The following ZBTB7C variants were observed in gnomAD, a reference collection of about 807,000 sequenced individuals.
The protein encoded by ZBTB7C is zinc finger and BTB domain-containing protein 7C.
In ZBTB7C, 8 loss-of-function variants were observed where a neutral mutation model predicts 25.7. The observed-to-expected ratio is 0.31, with a 90% CI of 0.18 to 0.56. The LOEUF (loss-of-function observed/expected upper bound fraction) is 0.56. ZBTB7C is among the 20% of genes least tolerant of loss of function. The pLI is 0.91. For synonymous variants in ZBTB7C, 394 were observed against 369.0 expected, an observed-to-expected ratio of 1.07 and a Z score of -0.78; for missense variants, 824 against 855.2, an observed-to-expected ratio of 0.96 and a Z score of 0.46.
At chr18:48,363,548 C>G (rs1210834195) in intron 1 of ZBTB7C, among the ~76,000 whole-genome samples, 1 of 152,084 alleles carries the variant, frequency 6.6e-6, no homozygotes, top group Non-Finnish European at 1.5e-5. Context: ...GAGCTCAAAA[C>G]AGATTAAAAT....
intron 1 of ZBTB7C, among the ~76,000 whole-genome samples, chr18:48,358,896 G>A (rs770481461): frequency 2.0e-5 from 3 of 152,098 alleles, no homozygotes; most frequent in Admixed American, 1.3e-4. Flanking sequence ...AACTAGTCCC[G>A]GTTTCCTCCT....
intron 2 of ZBTB7C, among the ~76,000 whole-genome samples, chr18:48,205,881 C>G (rs1012211324): frequency 1.3e-5 from 2 of 152,242 alleles, no homozygotes; most frequent in East Asian, 1.9e-4. Flanking sequence ...CACACTACCC[C>G]CAAGCTGGGC....
Position 48,040,152 on chromosome 18 carries a change from C to G in ZBTB7C, c.956G>C (p.Gly319Ala), listed in dbSNP as rs754356441. 1.3e-6 allele frequency: 2 copies of G among 1,579,008 alleles called. No individual in the cohort carries two copies. Among genetic ancestry groups the G allele is most frequent in the Admixed American group, 3.6e-5 (2 of 56,268 alleles). ...FFKDMFPDLP[G>A]GPLGPIKAEN... is the part of the protein sequence containing the mutation. Reference sequence around the variant, plus strand: ...CGCCTTGATGGGTCCCAGAGGCCCCCCCGGCAGGTCAGGGAACATGTCCTT... The same window carrying G: ...CGCCTTGATGGGTCCCAGAGGCCCCGCCGGCAGGTCAGGGAACATGTCCTT... Residue 319 changes from glycine (G) to alanine (A), a missense_variant, in exon 4 of 5, where the codon GGG (glycine) becomes GCG (alanine). Gly to Ala is a moderately conservative substitution (Grantham distance 60). This residue lies in a region of ZBTB7C where 316 missense variants were observed against 299.2 expected (regional missense o/e 1.06). Coordinates refer to ENST00000590800, the MANE Select transcript of ZBTB7C (RefSeq NM_001318841.2).
intron 3 of ZBTB7C, among the ~76,000 whole-genome samples, chr18:48,110,061 C>T (rs1315871637): frequency 6.7e-6 from 1 of 150,242 alleles, no homozygotes; most frequent in East Asian, 1.9e-4. Context: ...TCCTTACATT[C>T]AGCTCAGCAT....
At chr18:48,339,875 G>A (rs1031055555) in intron 1 of ZBTB7C, among the ~76,000 whole-genome samples, 2 of 152,292 alleles carry the variant, frequency 1.3e-5, no homozygotes, top group Admixed American at 6.5e-5. Flanking sequence ...AATTGGCTGC[G>A]ATAAACAGCC....
chr18:48,285,436 T>A (rs564193378), intron 2 of ZBTB7C, among the ~76,000 whole-genome samples: 1 of 152,380 alleles, frequency 6.6e-6, no homozygotes, highest in South Asian at 2.1e-4. Flanking sequence ...GTTAATAGTA[T>A]TGCAAGACCA....
intron 2 of ZBTB7C, among the ~76,000 whole-genome samples, chr18:48,218,894 C>G (rs1033919549): frequency 6.6e-6 from 1 of 152,160 alleles, no homozygotes; most frequent in Non-Finnish European, 1.5e-5. Context: ...GTGAAGGTCC[C>G]TCTCTCCCAG....
chr18:48,278,465 T>G (rs2044734381), intron 2 of ZBTB7C, among the ~76,000 whole-genome samples: 1 of 151,880 alleles, frequency 6.6e-6, no homozygotes, highest in African/African-American at 2.4e-5. Flanking sequence ...TGAGACAGTC[T>G]TGCCCTGTCA....
intron 1 of ZBTB7C, among the ~76,000 whole-genome samples, chr18:48,396,227 TG>T: frequency 6.6e-6 from 1 of 152,214 alleles, no homozygotes; most frequent in South Asian, 2.1e-4. Context: ...CCCTCTGCTT[TG>T]TCATTGTACC....
At chr18:48,167,036 C>T (rs868594112) in intron 3 of ZBTB7C, among the ~76,000 whole-genome samples, 1 of 152,116 alleles carries the variant, frequency 6.6e-6, no homozygotes, top group African/African-American at 2.4e-5. Flanking sequence ...TTCAGAACCT[C>T]GTGCTGCCCT....
intron 2 of ZBTB7C, among the ~76,000 whole-genome samples, chr18:48,319,525 G>A (rs1372950155): frequency 6.6e-6 from 1 of 152,202 alleles, no homozygotes; most frequent in Non-Finnish European, 1.5e-5. Flanking sequence ...CAAAAGGAAA[G>A]CAGCATGGCA....
chr18:48,043,582 G>A lies in ZBTB7C; in HGVS notation c.-16-2459C>T, dbSNP rs1244532212. ...ATGAGGGTTGCCAGGGACTAAGGAG[G>A]TGGTGGTGGTGGGAGGGAAGTGGGT... On this transcript the variant is annotated intron_variant, in intron 3 of 4. Coordinates refer to ENST00000590800, the MANE Select transcript of ZBTB7C (RefSeq NM_001318841.2). Among the ~76,000 whole-genome samples the A allele has an allele frequency of 2.6e-5, 4 of 152,180 alleles. No individual in the cohort carries two copies. The East Asian group carries it at 5.8e-4, about 22-fold the overall frequency.
chr18:48,071,820 A>C (rs770185582), intron 3 of ZBTB7C, among the ~76,000 whole-genome samples: 6 of 152,236 alleles, frequency 3.9e-5, no homozygotes, highest in Non-Finnish European at 7.3e-5. Flanking sequence ...AAAAGGAAGG[A>C]AATTCTAACA....
At chr18:48,243,750 C>T (rs1305707701) in intron 2 of ZBTB7C, among the ~76,000 whole-genome samples, 1 of 152,158 alleles carries the variant, frequency 6.6e-6, no homozygotes, top group African/African-American at 2.4e-5. Flanking sequence ...AATCTGGAGG[C>T]ATCACATTAC....
intron 1 of ZBTB7C, among the ~76,000 whole-genome samples, chr18:48,395,326 TG>T (rs2048002279): frequency 1.4e-5 from 1 of 73,596 alleles, no homozygotes; most frequent in African/African-American, 5.6e-5. Flanking sequence ...TCAGAGGGGT[TG>T]GGGGTGATGT....
intron 2 of ZBTB7C, among the ~76,000 whole-genome samples, chr18:48,304,530 C>T (rs1426266727): frequency 6.6e-6 from 1 of 152,174 alleles, no homozygotes; most frequent in Non-Finnish European, 1.5e-5. Flanking sequence ...CAAAAATTAG[C>T]CAGGCATGGT....
chr18:48,104,000 T>C (rs2038941055), intron 3 of ZBTB7C, among the ~76,000 whole-genome samples: 1 of 152,134 alleles, frequency 6.6e-6, no homozygotes, highest in African/African-American at 2.4e-5. Context: ...AGGTGATGAA[T>C]ATGTCCTAAA....
chr18:48,141,152 C>T (rs550183425), intron 3 of ZBTB7C, among the ~76,000 whole-genome samples: 4 of 145,612 alleles, frequency 2.7e-5, no homozygotes, highest in East Asian at 4.2e-4. Context: ...CACCACCCCC[C>T]CCACTGTTCC....
intron 2 of ZBTB7C, among the ~76,000 whole-genome samples, chr18:48,323,230 C>G (rs138445365): frequency 6.6e-6 from 1 of 152,300 alleles, no homozygotes; most frequent in East Asian, 1.9e-4. Flanking sequence ...AAGCCAGACT[C>G]TGCATTAAGG....
Sources: allele counts gnomAD v4.1 joint callset (sites outside exome capture counted in the v4.1 genomes callset), GRCh38; gene constraint gnomAD v4.1.1; regional missense constraint gnomAD v4.1.1; transcripts MANE v1.5; gene names NCBI Gene and HGNC (gene_info 2026-07-23, HGNC 2026-07-21).